The following AFG2A variants were observed in gnomAD, a reference collection of about 807,000 sequenced individuals.
AFG2A encodes AAA ATPase AFG2A, also known as ATPase family gene 2 protein homolog A.
the AFG2A span, among the ~76,000 whole-genome samples, chr4:123,306,440 T>G: frequency 1.3e-5 from 2 of 152,210 alleles, no homozygotes; most frequent in South Asian, 4.1e-4. Flanking sequence ...AGTGAGATCT[T>G]GGGCCCACTC....
At chr4:123,297,674 G>C in the AFG2A span, among the ~76,000 whole-genome samples, 6 of 151,386 alleles carry the variant, frequency 4.0e-5, no homozygotes, top group East Asian at 9.7e-4. Flanking sequence ...AGCCGAGATT[G>C]TGCCACTGCA....
chr4:123,053,434 CT>C, the AFG2A span, among the ~76,000 whole-genome samples: 1 of 152,228 alleles, frequency 6.6e-6, no homozygotes, highest in Non-Finnish European at 1.5e-5. Flanking sequence ...GGGCTGCTAA[CT>C]GCAGTGAGAG....
At chr4:122,990,285 A>T in the AFG2A span, among the ~76,000 whole-genome samples, 3 of 152,206 alleles carry the variant, frequency 2.0e-5, no homozygotes, top group African/African-American at 7.2e-5. Flanking sequence ...GTGAGGAAAG[A>T]GCAGTAGAAA....
At chr4:123,085,741 A>C in the AFG2A span, among the ~76,000 whole-genome samples, 3 of 151,950 alleles carry the variant, frequency 2.0e-5, no homozygotes, top group South Asian at 4.2e-4. Context: ...GATATTTGTT[A>C]CTGTTTTCTA....
the AFG2A span, among the ~76,000 whole-genome samples, chr4:122,983,444 G>A: frequency 6.6e-6 from 1 of 151,756 alleles, no homozygotes; most frequent in Non-Finnish European, 1.5e-5. Context: ...GGTATTTATT[G>A]CTATAAACTT....
At chr4:123,117,530 C>T in the AFG2A span, among the ~76,000 whole-genome samples, 3 of 150,664 alleles carry the variant, frequency 2.0e-5, no homozygotes, top group African/African-American at 2.4e-5. Flanking sequence ...TGATACTCAT[C>T]TATTGTGCTA....
chr4:123,122,901 T>G, the AFG2A span, among the ~76,000 whole-genome samples: 1 of 151,982 alleles, frequency 6.6e-6, no homozygotes, highest in African/African-American at 2.4e-5. Flanking sequence ...GTATTTTAGA[T>G]TAAAAATTGT....
At chr4:123,265,476 C>CCA in the AFG2A span, among the ~76,000 whole-genome samples, 3 of 152,054 alleles carry the variant, frequency 2.0e-5, no homozygotes, top group East Asian at 5.8e-4. Flanking sequence ...CTTAAATTGG[C>CCA]AACAAAAGTA....
chr4:123,004,230 G>C, the AFG2A span, among the ~76,000 whole-genome samples: 1 of 152,194 alleles, frequency 6.6e-6, no homozygotes, highest in Admixed American at 6.5e-5. Context: ...CCTTGACCAG[G>C]AAAGGGAACT....
chr4:122,974,709 C>A, the AFG2A span, among the ~76,000 whole-genome samples: 1 of 151,952 alleles, frequency 6.6e-6, no homozygotes. Flanking sequence ...GGTGCGATCT[C>A]GGCTCACCGC....
At chr4:123,025,283 G>A in the AFG2A span, among the ~76,000 whole-genome samples, 1 of 152,206 alleles carries the variant, frequency 6.6e-6, no homozygotes, top group Admixed American at 6.5e-5. Context: ...CAGAGACACA[G>A]CAAGTAGATA....
chr4:123,204,938 A>G, the AFG2A span, among the ~76,000 whole-genome samples: 1 of 152,204 alleles, frequency 6.6e-6, no homozygotes, highest in Non-Finnish European at 1.5e-5. Flanking sequence ...TATACAATGG[A>G]AATTGGCAAT....
At chr4:122,933,330 A>T in the AFG2A span, 3 of 827,004 alleles carry the variant, frequency 3.6e-6, no homozygotes, top group Middle Eastern at 8.4e-4. Context: ...CAGGTGGATT[A>T]TTCTTTTGAT....
chr4:122,984,056 C>G, the AFG2A span, among the ~76,000 whole-genome samples: 1 of 152,318 alleles, frequency 6.6e-6, no homozygotes, highest in East Asian at 1.9e-4. Flanking sequence ...ACCCTGGTAA[C>G]ATGCCAAAAC....
chr4:122,925,729 T>C, the AFG2A span, among the ~76,000 whole-genome samples: 1 of 152,246 alleles, frequency 6.6e-6, no homozygotes, highest in Non-Finnish European at 1.5e-5. Context: ...AGTCATTTTT[T>C]CATTGTATTA....
At chr4:123,064,149 G>A in the AFG2A span, among the ~76,000 whole-genome samples, 1 of 151,982 alleles carries the variant, frequency 6.6e-6, no homozygotes, top group African/African-American at 2.4e-5. Context: ...TTTAAATTAC[G>A]GCACCTTTGA....
chr4:123,008,636 G>A, the AFG2A span, among the ~76,000 whole-genome samples: 2 of 152,022 alleles, frequency 1.3e-5, no homozygotes, highest in Non-Finnish European at 2.9e-5. Flanking sequence ...CTGCTTTGCA[G>A]TTTTAAGTAT....
the AFG2A span, among the ~76,000 whole-genome samples, chr4:123,133,730 C>T: frequency 6.6e-6 from 1 of 152,108 alleles, no homozygotes; most frequent in East Asian, 1.9e-4. Context: ...TCTTAAATGG[C>T]TTTACTAATT....
At chr4:123,124,780 A>C in the AFG2A span, among the ~76,000 whole-genome samples, 2 of 152,250 alleles carry the variant, frequency 1.3e-5, no homozygotes, top group African/African-American at 4.8e-5. Context: ...GTCACAAAAT[A>C]GTTAACTTGG....
Sources: gnomAD v4.1 joint callset for allele counts (sites outside exome capture counted in the v4.1 genomes callset) on GRCh38, gnomAD v4.1.1 for gene constraint, MANE v1.5 for transcripts, NCBI Gene and HGNC (gene_info 2026-07-23, HGNC 2026-07-21) for gene names.